Variants in SGCD observed in about 807,000 individuals in gnomAD.
SGCD encodes sarcoglycan delta.
Under a neutral mutation model 36.6 loss-of-function variants are expected in SGCD, and 18 were observed. That is an observed-to-expected ratio of 0.49 (90% CI 0.34 to 0.73). SGCD has a LOEUF of 0.73. SGCD is among the 30% of genes least tolerant of loss of function. The pLI, the probability that SGCD is intolerant of heterozygous loss-of-function variation, is 0.01. For missense variants in SGCD, 387 were observed against 346.7 expected (o/e 1.12, Z -0.92); for synonymous variants, 133 against 130.6 (o/e 1.02, Z -0.12).
chr5:156,635,022 A>G (rs1762771657), intron 6 of SGCD, among the ~76,000 whole-genome samples: 1 of 152,104 alleles, frequency 6.6e-6, no homozygotes, highest in African/African-American at 2.4e-5. Flanking sequence ...CAGAAGTTCA[A>G]GACCAGCCTG....
intron 3 of SGCD, among the ~76,000 whole-genome samples, chr5:156,264,683 G>A (rs1765956950): frequency 6.6e-6 from 1 of 152,060 alleles, no homozygotes; most frequent in Non-Finnish European, 1.5e-5. Flanking sequence ...GTATCAACCA[G>A]AAAGCACTGA....
chr5:155,881,276 C>G (rs538579608), intron 1 of SGCD, among the ~76,000 whole-genome samples: 41 of 120,914 alleles, frequency 3.4e-4, no homozygotes, highest in African/African-American at 1.2e-3. Context: ...TGGCTGATTC[C>G]AGATCACCAC....
intron 3 of SGCD, among the ~76,000 whole-genome samples, chr5:156,267,692 T>C (rs140219267): frequency 4.6e-5 from 7 of 150,632 alleles, no homozygotes; most frequent in Middle Eastern, 3.4e-3. Flanking sequence ...AACTGGTTTT[T>C]TTGATAAAAG....
intron 3 of SGCD, among the ~76,000 whole-genome samples, chr5:156,409,291 T>C (rs920347704): frequency 1.3e-5 from 2 of 152,244 alleles, no homozygotes; most frequent in African/African-American, 4.8e-5. Flanking sequence ...TTTCTTCTCT[T>C]TGATGTCTGT....
chr5:156,321,368 C>T (rs527382313), intron 3 of SGCD, among the ~76,000 whole-genome samples: 24 of 152,010 alleles, frequency 1.6e-4, no homozygotes, highest in Non-Finnish European at 2.6e-4. Flanking sequence ...TGCAGTGAGC[C>T]GAGATCGCAC....
chr5:156,070,149 C>A (rs1760496755), intron 1 of SGCD, among the ~76,000 whole-genome samples: 1 of 148,964 alleles, frequency 6.7e-6, no homozygotes, highest in Admixed American at 6.6e-5. Context: ...TTGCCCTGGC[C>A]AGAACTTCCA....
chr5:156,150,931 A>G (rs1016622835), intron 3 of SGCD, among the ~76,000 whole-genome samples: 4 of 151,732 alleles, frequency 2.6e-5, no homozygotes, highest in Non-Finnish European at 5.9e-5. Context: ...AGTTAAAAAC[A>G]TCTGTACTTC....
intron 6 of SGCD, among the ~76,000 whole-genome samples, chr5:156,635,176 A>T (rs1260434015): frequency 1.3e-5 from 2 of 152,166 alleles, no homozygotes; most frequent in Non-Finnish European, 2.9e-5. Context: ...GTCAGCTGTG[A>T]TCACACCACT....
At chr5:156,705,059 T>C (rs1754684978) in intron 7 of SGCD, among the ~76,000 whole-genome samples, 1 of 152,152 alleles carries the variant, frequency 6.6e-6, no homozygotes, top group South Asian at 2.1e-4. Flanking sequence ...CTTGAAGGTC[T>C]GTAATTTACA....
In SGCD at chr5:156,251,351, T is replaced by C. The variant is rs1289299511; in HGVS notation, c.-43-78183T>C. Among the ~76,000 whole-genome samples, 16 of 152,200 alleles carry C rather than the reference T, an allele frequency of 1.1e-4. 1 individual carries two copies. Among genetic ancestry groups the C allele is most frequent in the Non-Finnish European group, 2.2e-4 (15 of 68,034 alleles). ...GATACTGAAAAACCCTCTGATCTTT[T>C]GCCTAGACCCCCTTTTCCCTCTAAA... On this transcript the variant is annotated intron_variant, in intron 3 of 9. Coordinates refer to the SGCD transcript ENST00000517913.
intron 1 of SGCD, among the ~76,000 whole-genome samples, chr5:155,993,591 C>T (rs917964630): frequency 3.3e-5 from 5 of 152,148 alleles, no homozygotes; most frequent in Non-Finnish European, 5.9e-5. Flanking sequence ...GTGATCCACC[C>T]GCCTCAGCCT....
intron 3 of SGCD, among the ~76,000 whole-genome samples, chr5:156,200,550 T>C (rs989482048): frequency 1.3e-5 from 2 of 152,130 alleles, no homozygotes; most frequent in African/African-American, 2.4e-5. Context: ...TGTAAAACTA[T>C]AAACCTCTCA....
chr5:156,499,116 G>A (rs1268219061), intron 3 of SGCD, among the ~76,000 whole-genome samples: 1 of 152,106 alleles, frequency 6.6e-6, no homozygotes, highest in African/African-American at 2.4e-5. Context: ...AAGGAATTTT[G>A]TTTTGGAGTT....
At chr5:156,015,797 A>AACAC (rs111862726) in intron 1 of SGCD, among the ~76,000 whole-genome samples, 79 of 147,472 alleles carry the variant, frequency 5.4e-4, no homozygotes, top group Admixed American at 4.8e-4. Flanking sequence ...TGAACACACA[A>AACAC]ACACACACAC....
At chr5:156,179,297 A>G (rs1763547198) in intron 3 of SGCD, among the ~76,000 whole-genome samples, 1 of 152,234 alleles carries the variant, frequency 6.6e-6, no homozygotes, top group Admixed American at 6.5e-5. Flanking sequence ...ATATTTAAAA[A>G]CAATGAGTGC....
At chr5:155,907,729 C>T (rs1242300061) in intron 1 of SGCD, among the ~76,000 whole-genome samples, 1 of 152,090 alleles carries the variant, frequency 6.6e-6, no homozygotes, top group Non-Finnish European at 1.5e-5. Context: ...AAAGTGGTTC[C>T]TTGAAATGGA....
chr5:156,226,895 G>A (rs1053688555), intron 3 of SGCD, among the ~76,000 whole-genome samples: 3 of 151,742 alleles, frequency 2.0e-5, no homozygotes, highest in Admixed American at 6.6e-5. Context: ...TGTGTATCTT[G>A]TTTTGAGAAG....
intron 3 of SGCD, among the ~76,000 whole-genome samples, chr5:156,503,917 G>A (rs988984801): frequency 2.0e-5 from 3 of 151,910 alleles, no homozygotes; most frequent in African/African-American, 7.3e-5. Flanking sequence ...AAATTAGAAT[G>A]TACAGCCCAG....
At chr5:156,662,974 A>G (rs933891142) in intron 7 of SGCD, among the ~76,000 whole-genome samples, 3 of 150,528 alleles carry the variant, frequency 2.0e-5, no homozygotes, top group African/African-American at 7.5e-5. Flanking sequence ...GCCCCTAAAA[A>G]GGATACCCTA....
Sources: allele counts gnomAD v4.1 joint callset (sites outside exome capture counted in the v4.1 genomes callset), GRCh38; gene constraint gnomAD v4.1.1; transcripts MANE v1.5; gene names NCBI Gene and HGNC (gene_info 2026-07-23, HGNC 2026-07-21).